KLHL42: variants seen among roughly 807,000 people sequenced by gnomAD.
KLHL42 encodes the protein kelch like family member 42, also known as kelch-like protein 42.
A neutral mutation model predicts 32.7 loss-of-function variants in KLHL42; 27 were observed. That is an observed-to-expected ratio of 0.83 (90% CI 0.61 to 1.14). The LOEUF (loss-of-function observed/expected upper bound fraction) is 1.14. Ranked by LOEUF, KLHL42 falls within the 50% of genes most tolerant of loss-of-function variation. The pLI is 0.00. For synonymous variants in KLHL42, 267 were observed against 248.2 expected, an observed-to-expected ratio of 1.08 and a Z score of -0.71; for missense variants, 491 against 560.8, an observed-to-expected ratio of 0.88 and a Z score of 1.26.
chr12:27,796,887 T>C (rs1271299165), intron 2 of KLHL42, among the ~76,000 whole-genome samples: 1 of 152,144 alleles, frequency 6.6e-6, no homozygotes, highest in Non-Finnish European at 1.5e-5. Context: ...TCCTCCTGCT[T>C]CAGCCCACCC....
chr12:27,784,171 G>C (rs2062161720), intron 1 of KLHL42, among the ~76,000 whole-genome samples: 1 of 133,310 alleles, frequency 7.5e-6, no homozygotes, highest in South Asian at 2.4e-4. Context: ...GTCTCGTTCT[G>C]TTGCCCAGGC....
intron 2 of KLHL42, among the ~76,000 whole-genome samples, chr12:27,796,522 A>G (rs1318756012): frequency 1.0e-3 from 1 of 982 alleles, no homozygotes; most frequent in Non-Finnish European, 1.9e-3. Context: ...ATTCTTTCCT[A>G]GAGGAGAAAA....
Position 27,800,496 on chromosome 12 carries a change from C to A in KLHL42, c.*2330C>A. 2.3e-6 allele frequency: 1 copy of A among 443,040 alleles called. No homozygotes were observed. The highest frequency in any genetic ancestry group is 3.0e-6 in the Non-Finnish European group (1 of 334,362). 27.4% of individuals were successfully genotyped at this position (443,040 alleles called of 1,614,324 possible). A position where few individuals can be genotyped will look rare whatever the true frequency, so the allele number is the denominator to read the frequency against. Reference sequence around the variant, plus strand: ...AGGAACAGATCTGTGCATTTTGTGACATCGTCCTTCCTGCTGTGCACATCA... The same window carrying A: ...AGGAACAGATCTGTGCATTTTGTGAAATCGTCCTTCCTGCTGTGCACATCA... On this transcript the variant is annotated 3_prime_UTR_variant, in exon 3 of 3. Coordinates refer to ENST00000381271, the MANE Select transcript of KLHL42 (RefSeq NM_020782.2).
In KLHL42 at chr12:27,799,978, G is replaced by A. The variant is rs574353150; in HGVS notation, c.*1812G>A. 6.5e-4 allele frequency: 575 copies of A among 890,270 alleles called. No homozygotes were observed. Among genetic ancestry groups the A allele is most frequent in the South Asian group, 3.1e-3 (60 of 19,266 alleles). 55.1% of individuals were successfully genotyped at this position (890,270 alleles called of 1,614,324 possible). ...GGAATAGTACTTAATAGATTTTAAT[G>A]TTAATTTATATTCATTGTAGAATTG... On this transcript the variant is annotated 3_prime_UTR_variant, in exon 3 of 3. Transcript: ENST00000381271.
At chr12:27,792,002 C>A in intron 2 of KLHL42, 101 bp downstream of exon 2, 1 of 926,038 alleles carries the variant, frequency 1.1e-6, no homozygotes, top group Non-Finnish European at 1.7e-6. Context: ...ATCCGAGTGT[C>A]ATGTTATGCT....
chr12:27,785,699 GTC>G (rs370447691), intron 1 of KLHL42, among the ~76,000 whole-genome samples: 1 of 151,692 alleles, frequency 6.6e-6, no homozygotes, highest in Non-Finnish European at 1.5e-5. Flanking sequence ...CTCTGTTGTT[GTC>G]TCTCTGCCTT....
chr12:27,791,486 G>C (rs546954031), intron 1 of KLHL42, among the ~76,000 whole-genome samples: 1 of 152,144 alleles, frequency 6.6e-6, no homozygotes, highest in South Asian at 2.1e-4. Flanking sequence ...GCTTATCTTC[G>C]ATAGCTAGTG....
rs767703904 is a variant in KLHL42 at position 27,798,150 on chromosome 12, A to G, written c.1502A>G (p.Asn501Ser). The change falls in exon 3 of 3, where the codon AAT (asparagine) becomes AGT (serine). Residue 501 changes from asparagine to serine, a missense_variant. Asn to Ser is a conservative substitution (Grantham distance 46). Coordinates refer to ENST00000381271, the MANE Select transcript of KLHL42 (RefSeq NM_020782.2). ...CTGGTTTCTTCTCTTTATCTGCCCAATAAAGCAGAAACATGACTGAATTGA... is the reference window on the plus strand; with the variant it reads ...CTGGTTTCTTCTCTTTATCTGCCCAGTAAAGCAGAAACATGACTGAATTGA... ...NLLVSSLYLP[N>S]KAET 36 of 778,660 alleles carry G rather than the reference A, an allele frequency of 4.6e-5. No individual in the cohort carries two copies. Among genetic ancestry groups the G allele is most frequent in the Middle Eastern group, 4.5e-4 (2 of 4,430 alleles). 48.2% of individuals were successfully genotyped at this position (778,660 alleles called of 1,614,324 possible). A position where few individuals can be genotyped will look rare whatever the true frequency, so the allele number is the denominator to read the frequency against.
In KLHL42 at chr12:27,780,497, G is replaced by A. The variant is rs1334233954; in HGVS notation, c.167G>A (p.Gly56Asp). 2.6e-6 allele frequency: 4 copies of A among 1,540,722 alleles called. No individual in the cohort carries two copies. Among genetic ancestry groups the A allele is most frequent in the Admixed American group, 4.0e-5 (2 of 49,886 alleles). ...AGGPEVQQLR[G>D]LSAPGLRLVL... ...GGCCCGGAGGTGCAGCAGCTGCGCG[G>A]CCTCAGCGCGCCGGGCCTGCGGCTG... Residue 56 changes from glycine to aspartate, a missense_variant, in exon 1 of 3, where the codon GGC becomes GAC. Gly to Asp is a moderately conservative substitution (Grantham distance 94). This residue lies in a region of KLHL42 where 88 missense variants were observed against 89.0 expected (regional missense o/e 0.99). Coordinates refer to ENST00000381271, the MANE Select transcript of KLHL42 (RefSeq NM_020782.2). The surrounding 1 kb of genome is among the most constrained non-coding windows in gnomAD (Gnocchi z 8.8).
Position 27,797,868 on chromosome 12 carries a change from G to T in KLHL42, c.1220G>T (p.Arg407Leu). 1 of 780,496 alleles carries T rather than the reference G, an allele frequency of 1.3e-6. No homozygotes were observed. Among genetic ancestry groups the T allele is most frequent in the Non-Finnish European group, 2.4e-6 (1 of 417,726 alleles). 48.3% of individuals were successfully genotyped at this position (780,496 alleles called of 1,614,324 possible). Reference protein sequence around the residue: ...GGCLHELGPNRRSSQSEDMLT... With the variant: ...GGCLHELGPNLRSSQSEDMLT... The stretch of plus-strand genomic sequence containing the variant: ...TGTCTCCACGAGCTGGGGCCCAACC[G>T]CAGGAGCAGCCAGAGCGAGGACATG... The change falls in exon 3 of 3, where the codon CGC becomes CTC. Residue 407 changes from arginine to leucine, a missense_variant. Coordinates refer to ENST00000381271, the MANE Select transcript of KLHL42 (RefSeq NM_020782.2).
chr12:27,780,255 A>C lies in KLHL42; in HGVS notation c.-76A>C. The C allele has an allele frequency of 1.5e-6, 2 of 1,345,874 alleles. No individual in the cohort carries two copies. The highest frequency in any genetic ancestry group is 1.9e-6 in the Non-Finnish European group (2 of 1,041,834). 83.4% of individuals were successfully genotyped at this position (1,345,874 alleles called of 1,614,324 possible). ...GCCATCCCTCGGCGCCCCGCCCGGA[A>C]CCGGCGCGCGCGTAGGGGCTGGGAG... On this transcript the variant is annotated 5_prime_UTR_variant, in exon 1 of 3. Transcript: ENST00000381271. The surrounding 1 kb of genome is among the most constrained non-coding windows in gnomAD (Gnocchi z 8.8).
chr12:27,786,967 T>G (rs2062174993), intron 1 of KLHL42, among the ~76,000 whole-genome samples: 1 of 151,822 alleles, frequency 6.6e-6, no homozygotes, highest in Non-Finnish European at 1.5e-5. Context: ...CCTCGTGATC[T>G]GCCTGCCTTG....
intron 1 of KLHL42, among the ~76,000 whole-genome samples, chr12:27,782,216 C>A (rs1014447396): frequency 8.5e-5 from 13 of 152,120 alleles, no homozygotes; most frequent in African/African-American, 2.9e-4. Context: ...ACAGAGAATC[C>A]TTTATATATC....
At chr12:27,782,139 C>G (rs2062152172) in intron 1 of KLHL42, among the ~76,000 whole-genome samples, 2 of 152,164 alleles carry the variant, frequency 1.3e-5, no homozygotes, top group Non-Finnish European at 2.9e-5. Context: ...CTCACAGGGT[C>G]CTGGTCCTGA....
intron 2 of KLHL42, among the ~76,000 whole-genome samples, chr12:27,795,072 T>C (rs1037655421): frequency 6.6e-6 from 1 of 152,322 alleles, no homozygotes; most frequent in East Asian, 1.9e-4. Context: ...TGTGTATATG[T>C]GTGTGTCTTT....
rs2062254340 is a variant in KLHL42, at chr12:27,802,834, GA to G, written c.*4670del. 1 of 152,440 alleles carries G rather than the reference GA, an allele frequency of 6.6e-6. No individual in the cohort carries two copies. The highest frequency in any genetic ancestry group is 2.1e-4 in the South Asian group (1 of 4,822). The allele number at this position is 152,440 out of a possible 1,614,324, so 9.4% of individuals were successfully genotyped here. Reference sequence around the variant, plus strand: ...ATTTTAGGGAAAGTGATAATCTGTAGAATGAATAGTTATGTTTTGATATGAC... The same window carrying G: ...ATTTTAGGGAAAGTGATAATCTGTAGATGAATAGTTATGTTTTGATATGAC... On this transcript the variant is annotated 3_prime_UTR_variant, in exon 3 of 3. Coordinates refer to ENST00000381271, the MANE Select transcript of KLHL42 (RefSeq NM_020782.2).
At position 27,799,539 on chromosome 12, in the gene KLHL42, T is replaced by C. The variant is rs1289258871; in HGVS notation, c.*1373T>C. The C allele has an allele frequency of 6.6e-6, 1 of 152,260 alleles. No individual in the cohort carries two copies. Among genetic ancestry groups the C allele is most frequent in the East Asian group, 1.9e-4 (1 of 5,186 alleles). The allele number at this position is 152,260 out of a possible 1,614,324, so 9.4% of individuals were successfully genotyped here. A position where few individuals can be genotyped will look rare whatever the true frequency, so the allele number is the denominator to read the frequency against. ...TAGCATGTGCCTCACTTTAAGAAAG[T>C]CCTGTAGGGGAAAAAAAAAACTGTC... On this transcript the variant is annotated 3_prime_UTR_variant, in exon 3 of 3. Coordinates refer to ENST00000381271, the MANE Select transcript of KLHL42 (RefSeq NM_020782.2).
intron 2 of KLHL42, among the ~76,000 whole-genome samples, chr12:27,795,259 C>T (rs2062213805): frequency 6.6e-6 from 1 of 152,198 alleles, no homozygotes; most frequent in Non-Finnish European, 1.5e-5. Flanking sequence ...CACTGTAACC[C>T]AAAGAGTACT....
At chr12:27,782,044 A>T (rs575401375) in intron 1 of KLHL42, among the ~76,000 whole-genome samples, 18 of 152,342 alleles carry the variant, frequency 1.2e-4, no homozygotes, top group African/African-American at 4.1e-4. Flanking sequence ...CCTCAGCGTC[A>T]TTCAGAAGCA....
Sources: gnomAD v4.1 joint callset for allele counts (sites outside exome capture counted in the v4.1 genomes callset) on GRCh38, gnomAD v4.1.1 for gene constraint, gnomAD v4.1.1 regional missense constraint, Gnocchi (gnomAD v3.1) non-coding constraint, MANE v1.5 for transcripts, NCBI Gene and HGNC (gene_info 2026-07-23, HGNC 2026-07-21) for gene names.